Variants in BICC1 observed in about 807,000 individuals in gnomAD.
BICC1 encodes BicC family RNA binding protein 1, also known as protein bicaudal C homolog 1.
BICC1 carries 43 observed loss-of-function variants against 111.0 expected under a neutral mutation model. The observed-to-expected ratio is 0.39, with a 90% CI of 0.30 to 0.50. BICC1 has a LOEUF of 0.50. Among genes scored for constraint, BICC1 ranks in the 20% least tolerant of loss-of-function variants. The pLI, the probability that BICC1 is intolerant of heterozygous loss-of-function variation, is 0.88. For synonymous variants in BICC1, 467 were observed against 434.4 expected (o/e 1.07, Z -0.93); for missense variants, 1,091 against 1,203.2 (o/e 0.91, Z 1.38).
At chr10:58,761,577 G>C (rs1275855274) in intron 3 of BICC1, among the ~76,000 whole-genome samples, 4 of 152,166 alleles carry the variant, frequency 2.6e-5, no homozygotes, top group African/African-American at 9.7e-5. Flanking sequence ...AGTTATGTGT[G>C]TTAAATAATA....
chr10:58,790,279 C>CA lies in BICC1; in HGVS notation c.1047+359dup, dbSNP rs10712140. On this transcript the variant is annotated intron_variant, in intron 8 of 20. Transcript: ENST00000373886. Reference sequence around the variant, plus strand: ...ATATTAGTGTGCAGTTTGTATTTGGCAAAAAAAAAAAAAGTCCTCTGTTTA... The same window carrying CA: ...ATATTAGTGTGCAGTTTGTATTTGGCAAAAAAAAAAAAAAGTCCTCTGTTTA... 6.2e-3 allele frequency among the ~76,000 whole-genome samples: 858 copies of CA among 138,736 alleles called. 10 individuals are homozygous for CA. Among genetic ancestry groups the CA allele is most frequent in the African/African-American group, 0.019 (701 of 37,018 alleles). The allele number at this position is 138,736 out of a possible 152,430, so 91.0% of individuals were successfully genotyped here.
intron 2 of BICC1, among the ~76,000 whole-genome samples, chr10:58,685,817 C>T (rs4367903): frequency 0.96 from 146,660 of 152,234 alleles, 70,905 homozygotes; most frequent in Middle Eastern, 1. Context: ...TGACTGTATC[C>T]AATTTGCCAG....
chr10:58,670,413 A>G (rs929399940), intron 2 of BICC1, among the ~76,000 whole-genome samples: 1 of 152,166 alleles, frequency 6.6e-6, no homozygotes, highest in Non-Finnish European at 1.5e-5. Flanking sequence ...TTATCACATT[A>G]TCATCCTACG....
intron 2 of BICC1, among the ~76,000 whole-genome samples, chr10:58,652,249 A>G (rs1489126914): frequency 6.6e-6 from 1 of 152,160 alleles, no homozygotes; most frequent in East Asian, 1.9e-4. Flanking sequence ...TAGACCCTCA[A>G]AAAGAAAATT....
chr10:58,636,335 A>G lies in BICC1; in HGVS notation c.237+15434A>G, dbSNP rs141877144. On this transcript the variant is annotated intron_variant, in intron 2 of 20. Coordinates refer to ENST00000373886, the MANE Select transcript of BICC1 (RefSeq NM_001080512.3). ...TTTAAAAAATCTGTGCTCTTTCAAG[A>G]GAAATTAAATTTCGTATTTGTCTTT... Among the ~76,000 whole-genome samples, 157 of 152,360 alleles carry G rather than the reference A, an allele frequency of 1.0e-3. 2 individuals are homozygous for G. The highest frequency in any genetic ancestry group is 3.7e-3 in the African/African-American group (153 of 41,582).
chr10:58,606,975 C>A (rs1042620445), intron 1 of BICC1, among the ~76,000 whole-genome samples: 4 of 152,100 alleles, frequency 2.6e-5, no homozygotes, highest in African/African-American at 9.7e-5. Flanking sequence ...AAAAATGTTT[C>A]AAATCTTGGA....
intron 3 of BICC1, among the ~76,000 whole-genome samples, chr10:58,780,060 G>C (rs181112660): frequency 7.9e-4 from 121 of 152,230 alleles, no homozygotes; most frequent in African/African-American, 2.7e-3. Flanking sequence ...TGTCAACACT[G>C]GCCACTCTTG....
intron 2 of BICC1, among the ~76,000 whole-genome samples, chr10:58,625,406 C>T (rs1390226206): frequency 6.6e-6 from 1 of 152,074 alleles, no homozygotes; most frequent in African/African-American, 2.4e-5. Flanking sequence ...AATCTGTAAT[C>T]CCAATGGTTG....
chr10:58,635,983 T>C (rs1837941708), intron 2 of BICC1, among the ~76,000 whole-genome samples: 1 of 152,236 alleles, frequency 6.6e-6, no homozygotes, highest in Non-Finnish European at 1.5e-5. Context: ...TTGGATTTTC[T>C]TAGAAAGTCA....
At chr10:58,746,922 G>A (rs1475586862) in intron 3 of BICC1, among the ~76,000 whole-genome samples, 1 of 152,110 alleles carries the variant, frequency 6.6e-6, no homozygotes, top group African/African-American at 2.4e-5. Flanking sequence ...CCATGATTCT[G>A]GCAACAGAGT....
intron 8 of BICC1, among the ~76,000 whole-genome samples, chr10:58,790,720 G>C (rs893320254): frequency 3.3e-5 from 5 of 152,184 alleles, no homozygotes; most frequent in Admixed American, 6.5e-5. Flanking sequence ...AGTTACTCAG[G>C]AGGCTGAGGG....
At chr10:58,698,748 G>A (rs1331680334) in intron 2 of BICC1, among the ~76,000 whole-genome samples, 1 of 152,120 alleles carries the variant, frequency 6.6e-6, no homozygotes, top group African/African-American at 2.4e-5. Flanking sequence ...TACGTGCCAT[G>A]CTATGTGCTT....
intron 2 of BICC1, among the ~76,000 whole-genome samples, chr10:58,628,778 T>C (rs1837708068): frequency 1.3e-5 from 2 of 152,234 alleles, no homozygotes; most frequent in Admixed American, 1.3e-4. Flanking sequence ...GTCACTGACA[T>C]GAAGAATCGA....
chr10:58,571,827 C>T (rs1843960806), intron 1 of BICC1, among the ~76,000 whole-genome samples: 1 of 152,010 alleles, frequency 6.6e-6, no homozygotes, highest in Non-Finnish European at 1.5e-5. Context: ...TATAACAGAA[C>T]GATTTATATT....
chr10:58,710,389 C>G (rs1840536412), intron 3 of BICC1, among the ~76,000 whole-genome samples: 1 of 152,150 alleles, frequency 6.6e-6, no homozygotes, highest in Non-Finnish European at 1.5e-5. Context: ...CCAAGATTAG[C>G]TGATGATGCT....
intron 1 of BICC1, among the ~76,000 whole-genome samples, chr10:58,527,304 G>T (rs968562684): frequency 6.6e-6 from 1 of 152,100 alleles, no homozygotes; most frequent in African/African-American, 2.4e-5. Context: ...TAAGTTCTTT[G>T]TAGATTCTGG....
At chr10:58,521,348 A>G (rs1033392544) in intron 1 of BICC1, among the ~76,000 whole-genome samples, 3 of 152,118 alleles carry the variant, frequency 2.0e-5, no homozygotes, top group Admixed American at 6.6e-5. Context: ...CCAGGTGCGG[A>G]GCAGGTACTC....
Position 58,829,038 on chromosome 10 carries a change from A to G in BICC1, c.*147A>G. 1 of 857,814 alleles carries G rather than the reference A, an allele frequency of 1.2e-6. No individual in the cohort carries two copies. Among genetic ancestry groups the G allele is most frequent in the Non-Finnish European group, 1.7e-6 (1 of 574,250 alleles). The allele number at this position is 857,814 out of a possible 1,614,324, so 53.1% of individuals were successfully genotyped here. A position where few individuals can be genotyped will look rare whatever the true frequency, so the allele number is the denominator to read the frequency against. On this transcript the variant is annotated 3_prime_UTR_variant, in exon 21 of 21. Transcript: ENST00000373886. ...TTATTCGCACCTGTACTTTATGGCA[A>G]AAAGGAAGAAGAGAGAGAAGATGTT...
chr10:58,747,101 C>G (rs1179935990), intron 3 of BICC1, among the ~76,000 whole-genome samples: 2 of 152,196 alleles, frequency 1.3e-5, no homozygotes, highest in Non-Finnish European at 2.9e-5. Context: ...CTTTCCATGG[C>G]TGTTATTACA....
Sources: allele counts gnomAD v4.1 joint callset (sites outside exome capture counted in the v4.1 genomes callset), GRCh38; gene constraint gnomAD v4.1.1; transcripts MANE v1.5; gene names NCBI Gene and HGNC (gene_info 2026-07-23, HGNC 2026-07-21).